SMTNL1: variants seen among roughly 807,000 people sequenced by gnomAD.
SMTNL1 encodes smoothelin-like protein 1.
SMTNL1 carries 41 observed loss-of-function variants against 46.6 expected under a neutral mutation model. The observed-to-expected ratio is 0.88, with a 90% confidence interval of 0.69 to 1.14. The LOEUF (loss-of-function observed/expected upper bound fraction) is 1.14. Among genes scored for constraint, SMTNL1 ranks in the 50% most tolerant of loss-of-function variants. The pLI, the probability that SMTNL1 is intolerant of heterozygous loss-of-function variation, is 0.00. For missense variants in SMTNL1, 591 were observed against 626.1 expected (o/e 0.94, Z 0.60); for synonymous variants, 234 against 234.2 (o/e 1.00, Z 0.01).
At chr11:57,540,605 T>C in intron 1 of SMTNL1, among the ~76,000 whole-genome samples, 1 of 152,170 alleles carries the variant, frequency 6.6e-6, no homozygotes, top group South Asian at 2.1e-4. Context: ...GAAAACTACT[T>C]GCTCAGGTCT....
Position 57,540,112 on chromosome 11 carries a change from GA to G in SMTNL1, c.-3+2480del, listed in dbSNP as rs200198895. On this transcript the variant is annotated intron_variant, in intron 1 of 7. Transcript: ENST00000527972. ...CAAAAAGAAAAGAAAACAAAGGGAG[GA>G]AAAAAAAAAGTCATGGTCAAATAGG... is the stretch of plus-strand genomic sequence containing the variant. Among the ~76,000 whole-genome samples, 51 of 147,346 alleles carry G rather than the reference GA, an allele frequency of 3.5e-4. No individual in the cohort carries two copies. In the South Asian group the frequency reaches 3.9e-3, roughly 11 times the overall value.
chr11:57,548,214 G>A lies in SMTNL1; in HGVS notation c.1340+1562G>A, dbSNP rs993172324. ...TCACAGAGCCCCAAAGGGCAGCTGC[G>A]AAGTTAGAAAAAGAGGACTTGTTGC... On this transcript the variant is annotated intron_variant, in intron 7 of 7. Coordinates refer to ENST00000527972, the MANE Select transcript of SMTNL1 (RefSeq NM_001105565.3). Among the ~76,000 whole-genome samples, 7 of 152,296 alleles carry A rather than the reference G, an allele frequency of 4.6e-5. 1 individual carries two copies. Among genetic ancestry groups the A allele is most frequent in the Admixed American group, 4.6e-4 (7 of 15,284 alleles).
At chr11:57,545,793 A>ACCCC in intron 4 of SMTNL1, 88 bp from the exon 5 acceptor site, 41 of 902,056 alleles carry the variant, frequency 4.5e-5, no homozygotes, top group Non-Finnish European at 6.5e-5. Flanking sequence ...CTGCAGTGCC[A>ACCCC]CCCACCCTCC....
chr11:57,548,682 A>G (rs1458114309), intron 7 of SMTNL1, among the ~76,000 whole-genome samples: 1 of 152,088 alleles, frequency 6.6e-6, no homozygotes, highest in East Asian at 1.9e-4. Flanking sequence ...AAATAAATAA[A>G]TAAATACATT....
intron 4 of SMTNL1, among the ~76,000 whole-genome samples, chr11:57,545,160 G>A (rs1944911849): frequency 6.6e-6 from 1 of 152,060 alleles, no homozygotes; most frequent in South Asian, 2.1e-4. Context: ...CTTAGGGAAA[G>A]ATAACCAGTG....
chr11:57,541,994 G>C (rs1446361932), intron 1 of SMTNL1, among the ~76,000 whole-genome samples: 1 of 151,948 alleles, frequency 6.6e-6, no homozygotes, highest in Non-Finnish European at 1.5e-5. Context: ...ACTGTGACCA[G>C]GCACTGCTCA....
intron 7 of SMTNL1, among the ~76,000 whole-genome samples, chr11:57,547,219 G>C (rs1395312273): frequency 6.6e-6 from 1 of 152,200 alleles, no homozygotes; most frequent in Non-Finnish European, 1.5e-5. Flanking sequence ...AGGGCAAGCA[G>C]CTCTGCTCTC....
Position 57,550,056 on chromosome 11 carries a change from C to G in SMTNL1, c.1429C>G (p.Gln477Glu), listed in dbSNP as rs1590805545. The G allele has an allele frequency of 1.2e-6, 2 of 1,613,952 alleles. No homozygotes were observed. Among genetic ancestry groups the G allele is most frequent in the Non-Finnish European group, 1.7e-6 (2 of 1,179,870 alleles). Residue 477 changes from glutamine (Q) to glutamate (E), a missense_variant, in exon 8 of 8, where the codon CAG becomes GAG. Transcript: ENST00000527972. ...PDSKCVYTYI[Q>E]ELYRSLVQKG... ...CTCCAAGTGCGTCTACACATACATC[C>G]AGGAACTGTACCGCAGCCTTGTGCA...
At chr11:57,546,768 C>A in intron 7 of SMTNL1, 116 bp downstream of exon 7, 2 of 1,307,158 alleles carry the variant, frequency 1.5e-6, no homozygotes, top group Non-Finnish European at 2.1e-6. Flanking sequence ...TTCATGTATC[C>A]AACAGACATT....
Position 57,543,082 on chromosome 11 carries a change from A to C in SMTNL1, c.440A>C (p.Glu147Ala). The part of the protein sequence containing the change: ...QKAEEKEAKP[E>A]SGQKADANDR... The stretch of plus-strand genomic sequence containing the variant: ...GCTGAGGAGAAAGAGGCCAAACCTG[A>C]ATCTGGGCAGAAAGCCGATGCCAAT... Residue 147 changes from glutamate (E) to alanine (A), a missense_variant, in exon 2 of 8, where the codon GAA becomes GCA. Glu to Ala is a moderately radical substitution (Grantham distance 107). Coordinates refer to ENST00000527972, the MANE Select transcript of SMTNL1 (RefSeq NM_001105565.3). 1 of 1,610,882 alleles carries C rather than the reference A, an allele frequency of 6.2e-7. No individual in the cohort carries two copies. The highest frequency in any genetic ancestry group is 8.5e-7 in the Non-Finnish European group (1 of 1,178,492).
chr11:57,546,437 G>A lies in SMTNL1; in HGVS notation c.1189-64G>A, dbSNP rs1565156212. On this transcript the variant is annotated intron_variant, in intron 6 of 7. Coordinates refer to ENST00000527972, the MANE Select transcript of SMTNL1 (RefSeq NM_001105565.3). ...CCCAAAGGGTGGGAGGGTGGGAAGG[G>A]GGCCAAGTCCAGGCCATCTGGCTGA... is the stretch of plus-strand genomic sequence containing the variant. The A allele has an allele frequency of 1.5e-5, 24 of 1,599,516 alleles. No homozygotes were observed. In the East Asian group the frequency reaches 5.4e-4, roughly 36 times the overall value.
At chr11:57,542,109 AAAAAACACACACACACAC>A (rs1944882681) in intron 1 of SMTNL1, among the ~76,000 whole-genome samples, 1 of 60,454 alleles carries the variant, frequency 1.7e-5, no homozygotes, top group African/African-American at 5.4e-5. Context: ...CTCTACAAAA[AAAAAACACACACACACAC>A]ACACACACAC....
intron 4 of SMTNL1, 93 bp downstream of exon 4, chr11:57,544,013 C>T (rs1190725507): frequency 6.2e-6 from 8 of 1,294,184 alleles, no homozygotes; most frequent in Non-Finnish European, 8.7e-6. Context: ...TCCCCCAGCA[C>T]CTGATTTCAA....
At chr11:57,546,152 G>T in intron 5 of SMTNL1, 81 bp from the exon 6 acceptor site, 3 of 1,503,810 alleles carry the variant, frequency 2.0e-6, no homozygotes, top group Non-Finnish European at 2.7e-6. Context: ...ACTGACACCT[G>T]GGGGCTGGGG....
intron 1 of SMTNL1, 101 bp from the exon 2 acceptor site, chr11:57,542,540 C>T: frequency 1.4e-6 from 2 of 1,384,664 alleles, no homozygotes; most frequent in Non-Finnish European, 1.9e-6. Flanking sequence ...CAAGACTGAA[C>T]CACGGACTTC....
At chr11:57,542,052 G>A (rs1157227982) in intron 1 of SMTNL1, among the ~76,000 whole-genome samples, 4 of 151,444 alleles carry the variant, frequency 2.6e-5, no homozygotes, top group Non-Finnish European at 5.9e-5. Flanking sequence ...TGGATTGCTT[G>A]AGCTCAGGAG....
Position 57,543,015 on chromosome 11 carries a change from G to A in SMTNL1, c.373G>A (p.Ala125Thr), listed in dbSNP as rs1223286981. 1.2e-6 allele frequency: 2 copies of A among 1,602,806 alleles called. No homozygotes were observed. Among genetic ancestry groups the A allele is most frequent in the Non-Finnish European group, 1.7e-6 (2 of 1,174,640 alleles). ...KEETKSEPKE[A>T]EEKESTLASE... is the part of the protein sequence containing the mutation. ...AGAGACCAAATCTGAACCCAAAGAG[G>A]CTGAGGAAAAGGAGAGCACGCTGGC... The change falls in exon 2 of 8, where the codon GCT becomes ACT. Residue 125 changes from alanine (A) to threonine (T), a missense_variant. Transcript: ENST00000527972.
intron 2 of SMTNL1, 91 bp from the exon 3 acceptor site, chr11:57,543,533 C>T (rs1313435948): frequency 2.6e-6 from 4 of 1,534,064 alleles, no homozygotes; most frequent in Non-Finnish European, 3.5e-6. Flanking sequence ...CACCGTAGTC[C>T]CAGGCTGCCT....
rs1396471712 is a variant in SMTNL1 at position 57,549,948 on chromosome 11, C to G, written c.1341-20C>G. 1.9e-6 allele frequency: 3 copies of G among 1,613,232 alleles called. No homozygotes were observed. ...CCTTCACCTTTGACCTTCTGCTCCTCATTCCACCCCATTCCTTAGGAAACT... is the reference window on the plus strand; with the variant it reads ...CCTTCACCTTTGACCTTCTGCTCCTGATTCCACCCCATTCCTTAGGAAACT... On this transcript the variant is annotated intron_variant, in intron 7 of 7. Transcript: ENST00000527972.
Sources: gnomAD v4.1 joint callset for allele counts (sites outside exome capture counted in the v4.1 genomes callset) on GRCh38, gnomAD v4.1.1 for gene constraint, MANE v1.5 for transcripts, NCBI Gene and HGNC (gene_info 2026-07-23, HGNC 2026-07-21) for gene names.